ZFP82: variants seen among roughly 807,000 people sequenced by gnomAD.
The protein encoded by ZFP82 is zinc finger protein 82 homolog.
A neutral mutation model predicts 54.0 loss-of-function variants in ZFP82; 30 were observed. That is an observed-to-expected ratio of 0.56 (90% CI 0.42 to 0.75). The LOEUF is 0.75. ZFP82 is among the 30% of genes least tolerant of loss of function. ZFP82 has a pLI of 0.00. For missense variants in ZFP82, 500 were observed against 636.8 expected (o/e 0.79, Z 2.31); for synonymous variants, 194 against 209.5 (o/e 0.93, Z 0.64).
At chr19:36,387,551 G>C (rs1276966710), downstream of ZFP82, among the ~76,000 whole-genome samples, 1 of 152,118 alleles carries the variant, frequency 6.6e-6, no homozygotes. Context: ...GCCTCTTAAT[G>C]TTGGAATTCC....
In ZFP82 at chr19:36,393,190, G is replaced by A; in HGVS notation, c.1150C>T (p.His384Tyr). 6.2e-7 allele frequency: 1 copy of A among 1,613,954 alleles called. No homozygotes were observed. The highest frequency in any genetic ancestry group is 8.5e-7 in the Non-Finnish European group (1 of 1,179,950). ...TFSRGYHLIL[H>Y]HRIHTGEKPY... The stretch of plus-strand genomic sequence containing the variant: ...TTTTCACCAGTATGAATTCTGTGAT[G>A]GAGAATAAGATGATAACCACGGCTA... The change falls in exon 5 of 5, where the codon CAT becomes TAT. Residue 384 changes from histidine to tyrosine, a missense_variant. Coordinates refer to ENST00000392161, the MANE Select transcript of ZFP82 (RefSeq NM_133466.4).
intron 3 of ZFP82, among the ~76,000 whole-genome samples, chr19:36,407,396 T>C (rs940880235): frequency 6.6e-6 from 1 of 152,156 alleles, no homozygotes; most frequent in African/African-American, 2.4e-5. Flanking sequence ...TTTTCAATCA[T>C]AAAGGTAGGT....
chr19:36,413,010 A>G, intron 1 of ZFP82, among the ~76,000 whole-genome samples: 1 of 152,222 alleles, frequency 6.6e-6, no homozygotes, highest in South Asian at 2.1e-4. Flanking sequence ...TATTGTGAGT[A>G]CTTTATAAAT....
chr19:36,404,241 C>A (rs890918017), intron 4 of ZFP82, among the ~76,000 whole-genome samples: 1 of 152,162 alleles, frequency 6.6e-6, no homozygotes, highest in Non-Finnish European at 1.5e-5. Context: ...GCTAAAGACC[C>A]CATGTTCCTA....
At chr19:36,396,964 A>G (rs1330250969) in intron 4 of ZFP82, among the ~76,000 whole-genome samples, 1 of 152,216 alleles carries the variant, frequency 6.6e-6, no homozygotes, top group Non-Finnish European at 1.5e-5. Flanking sequence ...AGTGAAAAAC[A>G]TCGTTAAAAG....
intron 2 of ZFP82, among the ~76,000 whole-genome samples, chr19:36,408,823 A>C (rs2032529130): frequency 1.3e-5 from 2 of 152,202 alleles, no homozygotes; most frequent in Admixed American, 1.3e-4. Context: ...GTCTCAAAAA[A>C]AAACAAACAA....
chr19:36,413,393 A>G (rs1054188256), intron 1 of ZFP82, among the ~76,000 whole-genome samples: 2 of 152,190 alleles, frequency 1.3e-5, no homozygotes, highest in Admixed American at 6.5e-5. Flanking sequence ...CGTGGGCAAC[A>G]GAGTGAGATT....
chr19:36,409,691 T>G (rs2032543865), intron 2 of ZFP82, 90 bp downstream of exon 2: 8 of 1,407,300 alleles, frequency 5.7e-6, no homozygotes, highest in Non-Finnish European at 8.0e-6. Context: ...GGTTCTTGGA[T>G]GGAGCTCTGA....
At chr19:36,397,697 C>T (rs564631086) in intron 4 of ZFP82, among the ~76,000 whole-genome samples, 176 of 152,144 alleles carry the variant, frequency 1.2e-3, no homozygotes, top group African/African-American at 3.9e-3. Flanking sequence ...AAGCGATTCT[C>T]CTGCCTCGGC....
chr19:36,404,292 T>G (rs1341696694), intron 4 of ZFP82, among the ~76,000 whole-genome samples: 1 of 152,180 alleles, frequency 6.6e-6, no homozygotes, highest in Non-Finnish European at 1.5e-5. Context: ...TCATGACCCA[T>G]TTGCTTCCAA....
chr19:36,392,213 A>G lies in ZFP82; in HGVS notation c.*528T>C, dbSNP rs1350261793. On this transcript the variant is annotated 3_prime_UTR_variant, in exon 5 of 5. Coordinates refer to ENST00000392161, the MANE Select transcript of ZFP82 (RefSeq NM_133466.4). ...CTCTACGTAGTTTCAGGGCCTCTTC[A>G]TGTGGTCTCTTCAGCAAAGTAGCCA... 1 of 152,894 alleles carries G rather than the reference A, an allele frequency of 6.5e-6. No individual in the cohort carries two copies. The highest frequency in any genetic ancestry group is 2.4e-5 in the African/African-American group (1 of 41,446). 9.5% of individuals were successfully genotyped at this position (152,894 alleles called of 1,614,324 possible). A position where few individuals can be genotyped will look rare whatever the true frequency, so the allele number is the denominator to read the frequency against.
intron 3 of ZFP82, among the ~76,000 whole-genome samples, chr19:36,406,534 T>C (rs192198104): frequency 9.9e-4 from 151 of 152,354 alleles, no homozygotes; most frequent in African/African-American, 3.4e-3. Flanking sequence ...CCACTTAGCA[T>C]AGTGTTTTTT....
downstream of ZFP82, chr19:36,384,071 A>G (rs568361076): frequency 2.6e-5 from 4 of 152,306 alleles, no homozygotes; most frequent in East Asian, 7.7e-4. Context: ...CTTCTATGAC[A>G]GTATCTAGTG....
At chr19:36,398,756 G>A (rs1016963471) in intron 4 of ZFP82, among the ~76,000 whole-genome samples, 2 of 152,106 alleles carry the variant, frequency 1.3e-5, no homozygotes, top group Admixed American at 6.6e-5. Flanking sequence ...TGCAATCACA[G>A]CTCACTGCCG....
intron 4 of ZFP82, among the ~76,000 whole-genome samples, chr19:36,398,320 C>T (rs111731799): frequency 0.039 from 5,918 of 152,170 alleles, 351 homozygotes; most frequent in African/African-American, 0.13. Flanking sequence ...AGGTGGATCA[C>T]GAGGTCAGGA....
intron 2 of ZFP82, 131 bp downstream of exon 2, chr19:36,409,650 C>T: frequency 3.3e-6 from 3 of 903,666 alleles, no homozygotes; most frequent in South Asian, 1.5e-5. Context: ...TTGTGGTTCA[C>T]CCGCCACTGG....
chr19:36,414,115 T>C (rs557283976), intron 1 of ZFP82, among the ~76,000 whole-genome samples: 1 of 152,108 alleles, frequency 6.6e-6, no homozygotes, highest in East Asian at 1.9e-4. Flanking sequence ...TTAGCCAACA[T>C]AGTCTCGATC....
chr19:36,415,213 CACAA>C (rs2032649277), intron 1 of ZFP82, among the ~76,000 whole-genome samples: 1 of 152,084 alleles, frequency 6.6e-6, no homozygotes, highest in Non-Finnish European at 1.5e-5. Context: ...AACACATGTG[CACAA>C]GTGCACAGAA....
In ZFP82 at chr19:36,402,385, C is replaced by T. The variant is rs543184798; in HGVS notation, c.229+3195G>A. 2.9e-5 allele frequency among the ~76,000 whole-genome samples: 4 copies of T among 138,998 alleles called. No homozygotes were observed. In the South Asian group the frequency reaches 6.9e-4, roughly 24 times the overall value. The allele number at this position is 138,998 out of a possible 152,430, so 91.2% of individuals were successfully genotyped here. A position where few individuals can be genotyped will look rare whatever the true frequency, so the allele number is the denominator to read the frequency against. On this transcript the variant is annotated intron_variant, in intron 4 of 4. Coordinates refer to ENST00000392161, the MANE Select transcript of ZFP82 (RefSeq NM_133466.4). ...TTGGGAGCCTGAGGCAAGAGAACGG[C>T]GTGAACCCAGGAAGCGGAGCTTGAA...
Sources: allele counts gnomAD v4.1 joint callset (sites outside exome capture counted in the v4.1 genomes callset), GRCh38; gene constraint gnomAD v4.1.1; transcripts MANE v1.5; gene names NCBI Gene and HGNC (gene_info 2026-07-23, HGNC 2026-07-21).